RPN2: variants seen among roughly 807,000 people sequenced by gnomAD.
RPN2 encodes dolichyl-diphosphooligosaccharide--protein glycosyltransferase subunit 2.
In RPN2, 29 loss-of-function variants were observed where a neutral mutation model predicts 71.4. The ratio of observed to expected loss-of-function variants is 0.41; its 90% confidence interval spans 0.30 to 0.55. RPN2 has a LOEUF of 0.55. RPN2 is among the 20% of genes least tolerant of loss of function. The probability of loss-of-function intolerance (pLI) is 0.35; values close to 1 mark genes in which losing one functional copy is unlikely to be tolerated. For missense variants in RPN2, 726 were observed against 774.1 expected (o/e 0.94, Z 0.74); for synonymous variants, 308 against 305.0 (o/e 1.01, Z -0.10).
intron 1 of RPN2, among the ~76,000 whole-genome samples, chr20:37,179,802 C>G (rs371709753): frequency 6.6e-6 from 1 of 152,188 alleles, no homozygotes; most frequent in South Asian, 2.1e-4. Context: ...GCAAAGAAAA[C>G]CCTCACTTCT....
chr20:37,191,780 T>G (rs186532887), intron 2 of RPN2, among the ~76,000 whole-genome samples: 7 of 152,216 alleles, frequency 4.6e-5, no homozygotes, highest in Admixed American at 1.3e-4. Flanking sequence ...ATTATTTAGC[T>G]TTTTACAAGA....
At chr20:37,213,631 T>G in intron 8 of RPN2, 129 bp from the exon 9 acceptor site, 1 of 733,698 alleles carries the variant, frequency 1.4e-6, no homozygotes, top group Non-Finnish European at 2.5e-6. Flanking sequence ...CCAAGTGGGG[T>G]GGGAAGTCAA....
chr20:37,199,313 T>C (rs1426770775), intron 4 of RPN2, 88 bp downstream of exon 4: 10 of 1,506,462 alleles, frequency 6.6e-6, no homozygotes, highest in East Asian at 4.6e-5. Context: ...GCAAATACTT[T>C]CTGGGCAAGT....
rs369050797 is a variant in RPN2, at chr20:37,220,183, TTGTGTG to T, written c.1093-3678_1093-3673del. The stretch of plus-strand genomic sequence containing the variant: ...CTTATTACATTAGAGGTGTGTGTGT[TTGTGTG>T]TGTGTGTGTGTGTGTGAGTGTGAGA... On this transcript the variant is annotated intron_variant, in intron 9 of 16. Transcript: ENST00000237530. Among the ~76,000 whole-genome samples, 11 of 148,134 alleles carry T rather than the reference TTGTGTG, an allele frequency of 7.4e-5. No individual in the cohort carries two copies. In the East Asian group the frequency reaches 1.8e-3, roughly 24 times the overall value.
intron 4 of RPN2, among the ~76,000 whole-genome samples, chr20:37,202,558 C>T (rs1458741259): frequency 6.6e-6 from 1 of 152,266 alleles, no homozygotes; most frequent in South Asian, 2.1e-4. Flanking sequence ...GGGGGCCTCT[C>T]CTCTCCCAGT....
chr20:37,198,380 T>G lies in RPN2; in HGVS notation c.208-17T>G. On this transcript the variant is annotated splice_polypyrimidine_tract_variant and intron_variant, in intron 2 of 16. Coordinates refer to ENST00000237530, the MANE Select transcript of RPN2 (RefSeq NM_002951.5). ...ACATGTGTCACCACTTAACATTGAC[T>G]TTTCCCCACTGTGTAGAAAGCATGT... The G allele has an allele frequency of 1.2e-6, 2 of 1,614,226 alleles. No individual in the cohort carries two copies. The highest frequency in any genetic ancestry group is 1.7e-6 in the Non-Finnish European group (2 of 1,180,032).
chr20:37,189,643 C>G (rs1421076519), intron 2 of RPN2, among the ~76,000 whole-genome samples: 1 of 152,118 alleles, frequency 6.6e-6, no homozygotes. Context: ...AATGTACCTC[C>G]TGATAAAATT....
In RPN2 at chr20:37,213,838, C is replaced by G; in HGVS notation, c.1065C>G (p.Asp355Glu). ...YYDFLVEVEGDNRYIANTVEL... is the reference protein window; with the variant it reads ...YYDFLVEVEGENRYIANTVEL... ...ACTTCCTTGTCGAAGTTGAAGGTGA[C>G]AACCGGTATATTGCAAATACCGTAG... Residue 355 changes from aspartate (D) to glutamate (E), a missense_variant, in exon 9 of 17, where the codon GAC becomes GAG. Physicochemically the swap from Asp to Glu is conservative, Grantham distance 45 (BLOSUM62 2). Coordinates refer to ENST00000237530, the MANE Select transcript of RPN2 (RefSeq NM_002951.5). The G allele has an allele frequency of 6.2e-7, 1 of 1,613,838 alleles. No individual in the cohort carries two copies. Among genetic ancestry groups the G allele is most frequent in the Non-Finnish European group, 8.5e-7 (1 of 1,179,724 alleles).
At chr20:37,197,088 C>T in intron 2 of RPN2, among the ~76,000 whole-genome samples, 1 of 152,128 alleles carries the variant, frequency 6.6e-6, no homozygotes, top group African/African-American at 2.4e-5. Context: ...CAGGGTCAAA[C>T]ACGTCAAATG....
chr20:37,236,769 CCTAG>C, intron 16 of RPN2, 60 bp downstream of exon 16: 1 of 1,571,786 alleles, frequency 6.4e-7, no homozygotes. Flanking sequence ...GCTCTGCCGG[CCTAG>C]CTCTTTGAAG....
intron 16 of RPN2, 61 bp downstream of exon 16, chr20:37,236,770 C>G: frequency 6.4e-7 from 1 of 1,567,478 alleles, no homozygotes; most frequent in Non-Finnish European, 8.8e-7. Flanking sequence ...CTCTGCCGGC[C>G]TAGCTCTTTG....
chr20:37,213,628 G>A (rs2067731434), intron 8 of RPN2, 132 bp from the exon 9 acceptor site: 4 of 727,596 alleles, frequency 5.5e-6, no homozygotes, highest in Non-Finnish European at 7.5e-6. Flanking sequence ...TGCCCAAGTG[G>A]GGTGGGAAGT....
chr20:37,204,676 C>G (rs2067469813), intron 5 of RPN2, 91 bp from the exon 6 acceptor site: 2 of 1,375,912 alleles, frequency 1.5e-6, no homozygotes, highest in Non-Finnish European at 1.0e-6. Context: ...AGAGATGTCA[C>G]GAAGCTGTCT....
Position 37,219,939 on chromosome 20 carries a change from G to A in RPN2, c.1093-3939G>A, listed in dbSNP as rs73293718. ...TGTATTGTCCTTATGCCAGTGCCAC[G>A]CTGTCTTGATTACTGTAACAGCTTG... On this transcript the variant is annotated intron_variant, in intron 9 of 16. Coordinates refer to ENST00000237530, the MANE Select transcript of RPN2 (RefSeq NM_002951.5). Among the ~76,000 whole-genome samples the A allele has an allele frequency of 5.2e-3, 795 of 152,276 alleles. 5 individuals are homozygous for A. Among genetic ancestry groups the A allele is most frequent in the African/African-American group, 0.018 (757 of 41,566 alleles).
At chr20:37,205,721 G>A (rs1420717370) in intron 6 of RPN2, among the ~76,000 whole-genome samples, 1 of 151,966 alleles carries the variant, frequency 6.6e-6, no homozygotes, top group Non-Finnish European at 1.5e-5. Context: ...CATTCTTTTT[G>A]TGTCTCTTCC....
chr20:37,207,314 G>T lies in RPN2; in HGVS notation c.732G>T (p.Lys244Asn), dbSNP rs771142163. Residue 244 changes from lysine (K) to asparagine (N), a missense_variant, in exon 7 of 17, where the codon AAG becomes AAT. Lys to Asn is a moderately conservative substitution (Grantham distance 94). Transcript: ENST00000237530. ...TGATGAACGCGATCTTCAGCAAGAA[G>T]AACTTTGAGTCCCTCTCCGAAGCCT... Reference protein sequence around the residue: ...IQLMNAIFSKKNFESLSEAFS... With the variant: ...IQLMNAIFSKNNFESLSEAFS... 1 of 1,614,056 alleles carries T rather than the reference G, an allele frequency of 6.2e-7. No individual in the cohort carries two copies. The highest frequency in any genetic ancestry group is 1.3e-5 in the African/African-American group (1 of 74,942).
intron 2 of RPN2, 114 bp downstream of exon 2, chr20:37,184,487 G>A (rs906110193): frequency 2.7e-5 from 26 of 966,564 alleles, no homozygotes; most frequent in Admixed American, 2.0e-5. Flanking sequence ...GATAACCAAG[G>A]TTAATCCAAT....
intron 6 of RPN2, 130 bp downstream of exon 6, chr20:37,205,031 G>A: frequency 7.5e-7 from 1 of 1,339,236 alleles, no homozygotes. Context: ...TCCTGGGTTA[G>A]GGATTAAGAA....
At chr20:37,231,041 C>A (rs908003304) in intron 13 of RPN2, among the ~76,000 whole-genome samples, 1 of 151,718 alleles carries the variant, frequency 6.6e-6, no homozygotes, top group Admixed American at 6.6e-5. Context: ...CAAGTTGATA[C>A]GTTGGAGGAA....
Sources: allele counts gnomAD v4.1 joint callset (sites outside exome capture counted in the v4.1 genomes callset), GRCh38; gene constraint gnomAD v4.1.1; transcripts MANE v1.5; gene names NCBI Gene and HGNC (gene_info 2026-07-23, HGNC 2026-07-21).